Variants in IQCK observed in about 807,000 individuals in gnomAD.
IQCK encodes the protein IQ domain-containing protein K.
In IQCK, 29 loss-of-function variants were observed where a neutral mutation model predicts 28.1. The observed-to-expected ratio is 1.03, with a 90% CI of 0.77 to 1.41. The LOEUF is 1.41. Ranked by LOEUF, IQCK falls within the 40% of genes most tolerant of loss-of-function variation. IQCK has a pLI of 0.00. For missense variants in IQCK, 359 were observed against 314.7 expected, an observed-to-expected ratio of 1.14 and a Z score of -1.07; for synonymous variants, 113 against 115.1, an observed-to-expected ratio of 0.98 and a Z score of 0.12.
intron 6 of IQCK, chr16:19,766,097 A>G (rs1260802452): frequency 6.6e-6 from 1 of 152,244 alleles, no homozygotes; most frequent in East Asian, 1.9e-4. Context: ...ACGGGCATTT[A>G]TATTCTCTAC....
chr16:19,732,404 C>T (rs1438145506), intron 2 of IQCK, among the ~76,000 whole-genome samples: 3 of 152,232 alleles, frequency 2.0e-5, no homozygotes, highest in East Asian at 1.9e-4. Flanking sequence ...GTCCACTGGC[C>T]GACTTTTCTT....
rs58389026 is a variant in IQCK, at chr16:19,722,711, C to CT, written c.181+4238dup. Among the ~76,000 whole-genome samples the CT allele has an allele frequency of 3.5e-3, 511 of 144,538 alleles. 1 individual carries two copies. Among genetic ancestry groups the CT allele is most frequent in the African/African-American group, 9.6e-3 (380 of 39,648 alleles). 94.8% of individuals were successfully genotyped at this position (144,538 alleles called of 152,430 possible). A position where few individuals can be genotyped will look rare whatever the true frequency, so the allele number is the denominator to read the frequency against. The stretch of plus-strand genomic sequence containing the variant: ...TCGTTCACTCAGCTGCCCAGTCCAG[C>CT]TTTTTTTTTTTTTTCCTTCCCTTGA... On this transcript the variant is annotated intron_variant, in intron 1 of 7. Coordinates refer to ENST00000564186, the Ensembl canonical transcript of IQCK.
rs545487184 is a variant in IQCK, at chr16:19,786,103, CACACCAAGGTCTCCTTAAAA to C, written c.606-2721_606-2702del. Among the ~76,000 whole-genome samples, 22 of 152,288 alleles carry C rather than the reference CACACCAAGGTCTCCTTAAAA, an allele frequency of 1.4e-4. No individual in the cohort carries two copies. The South Asian group carries it at 4.4e-3, about 30-fold the overall frequency. ...ATCATTCCCATGAATTCACTGCCAA[CACACCAAGGTCTCCTTAAAA>C]ACACCAAGGTCTCTCTAGAAGCTGT... On this transcript the variant is annotated intron_variant, in intron 6 of 7. Coordinates refer to ENST00000564186, the Ensembl canonical transcript of IQCK.
chr16:19,819,491 T>TAA (rs201143638), intron 7 of IQCK: 3 of 140,992 alleles, frequency 2.1e-5, no homozygotes, highest in Non-Finnish European at 4.6e-5. Context: ...AGACTCCATC[T>TAA]AAAAAAAAAA....
intron 6 of IQCK, among the ~76,000 whole-genome samples, chr16:19,769,146 G>T (rs1344164768): frequency 6.6e-6 from 1 of 152,176 alleles, no homozygotes; most frequent in Non-Finnish European, 1.5e-5. Context: ...CAGAGTGAAA[G>T]ATTTGGGCAC....
chr16:19,751,910 G>A (rs1269643171), intron 4 of IQCK, among the ~76,000 whole-genome samples: 1 of 152,124 alleles, frequency 6.6e-6, no homozygotes, highest in Non-Finnish European at 1.5e-5. Flanking sequence ...GCCTTCCTGA[G>A]TGCCCCTGGG....
At chr16:19,729,886 C>T (rs867037372) in intron 1 of IQCK, among the ~76,000 whole-genome samples, 2 of 151,734 alleles carry the variant, frequency 1.3e-5, no homozygotes, top group Non-Finnish European at 2.9e-5. Context: ...CCTTGTGATC[C>T]GCCCGCCTCT....
At chr16:19,814,546 A>G (rs911183883) in intron 7 of IQCK, among the ~76,000 whole-genome samples, 6 of 152,156 alleles carry the variant, frequency 3.9e-5, no homozygotes, top group African/African-American at 1.4e-4. Flanking sequence ...ATAAATACAA[A>G]CATATCACTA....
intron 1 of IQCK, among the ~76,000 whole-genome samples, chr16:19,723,544 C>T (rs896945648): frequency 6.6e-6 from 1 of 152,298 alleles, no homozygotes; most frequent in Non-Finnish European, 1.5e-5. Flanking sequence ...GCAGGGTCGG[C>T]TTCAAACTCA....
chr16:19,830,014 C>T (rs951141050), downstream of IQCK, among the ~76,000 whole-genome samples: 3 of 151,368 alleles, frequency 2.0e-5, no homozygotes, highest in African/African-American at 4.9e-5. Flanking sequence ...ATCAGTTGAA[C>T]GAATGAATGA....
chr16:19,841,331 C>T (rs79489785), intron 9 of IQCK, among the ~76,000 whole-genome samples: 2 of 152,122 alleles, frequency 1.3e-5, no homozygotes, highest in East Asian at 1.9e-4. Context: ...ACTGTTGCCA[C>T]GTGCATTGGA....
intron 1 of IQCK, among the ~76,000 whole-genome samples, chr16:19,721,458 AG>A (rs1977492260): frequency 6.6e-6 from 1 of 152,208 alleles, no homozygotes; most frequent in South Asian, 2.1e-4. Context: ...TATTCTAAAA[AG>A]CACTCGTGTT....
At chr16:19,764,229 C>A in intron 6 of IQCK, 117 bp downstream of exon 6, 1 of 805,236 alleles carries the variant, frequency 1.2e-6, no homozygotes, top group Non-Finnish European at 2.0e-6. Context: ...CTGGGCCAGT[C>A]ATATTTGTGA....
chr16:19,845,448 A>G (rs1473744248), intron 9 of IQCK, among the ~76,000 whole-genome samples: 1 of 152,254 alleles, frequency 6.6e-6, no homozygotes, highest in Admixed American at 6.5e-5. Context: ...TAAAAAAGTC[A>G]TAAGACACGG....
chr16:19,812,186 C>T (rs1321273046), intron 7 of IQCK, among the ~76,000 whole-genome samples: 2 of 152,138 alleles, frequency 1.3e-5, no homozygotes, highest in Non-Finnish European at 2.9e-5. Context: ...GGAGTTTCAC[C>T]ATGTTGGCCA....
chr16:19,767,583 A>G (rs1232549830), intron 6 of IQCK, among the ~76,000 whole-genome samples: 1 of 151,956 alleles, frequency 6.6e-6, no homozygotes, highest in African/African-American at 2.4e-5. Context: ...AGCTGCTTGT[A>G]TCTTTTTCCG....
chr16:19,814,495 T>C (rs934027968), intron 7 of IQCK, among the ~76,000 whole-genome samples: 1 of 151,992 alleles, frequency 6.6e-6, no homozygotes, highest in Non-Finnish European at 1.5e-5. Flanking sequence ...GAAAGCAGGA[T>C]AGAAAAAGAC....
chr16:19,834,161 G>T (rs891408978), intron 9 of IQCK, among the ~76,000 whole-genome samples: 5 of 152,156 alleles, frequency 3.3e-5, no homozygotes, highest in Admixed American at 6.5e-5. Flanking sequence ...GTGCATTGCC[G>T]AGAGCAAAGA....
At chr16:19,837,522 T>G (rs540173443) in intron 9 of IQCK, among the ~76,000 whole-genome samples, 1 of 152,182 alleles carries the variant, frequency 6.6e-6, no homozygotes, top group Non-Finnish European at 1.5e-5. Context: ...TCTCCTCTGT[T>G]GTGTGGGGAC....
Sources: gnomAD v4.1 joint callset for allele counts (sites outside exome capture counted in the v4.1 genomes callset) on GRCh38, gnomAD v4.1.1 for gene constraint, MANE v1.5 for transcripts, NCBI Gene and HGNC (gene_info 2026-07-23, HGNC 2026-07-21) for gene names.